Variants in RARG observed in about 807,000 individuals in gnomAD.
RARG encodes the protein RAR-gamma.
Under a neutral mutation model 43.7 loss-of-function variants are expected in RARG, and 17 were observed. The observed-to-expected ratio is 0.39, with a 90% CI of 0.27 to 0.58. RARG has a LOEUF of 0.58. RARG is among the 20% of genes least tolerant of loss of function. The pLI, the probability that RARG is intolerant of heterozygous loss-of-function variation, is 0.57. For synonymous variants in RARG, 238 were observed against 236.4 expected (o/e 1.01, Z -0.06); for missense variants, 346 against 598.7 (o/e 0.58, Z 4.40).
chr12:53,216,057 T>C (rs937948995), intron 3 of RARG, among the ~76,000 whole-genome samples: 1 of 152,174 alleles, frequency 6.6e-6, no homozygotes, highest in Non-Finnish European at 1.5e-5. Flanking sequence ...CCTCATCCTA[T>C]ATGACATGTT....
At position 53,212,016 on chromosome 12, in the gene RARG, A is replaced by AC. The variant is rs762298130; in HGVS notation, c.1178-154dup. 5.3e-5 allele frequency among the ~76,000 whole-genome samples: 8 copies of AC among 152,090 alleles called. No individual in the cohort carries two copies. In the East Asian group the frequency reaches 1.5e-3, roughly 29 times the overall value. On this transcript the variant is annotated intron_variant, in intron 9 of 9. Coordinates refer to ENST00000425354, the MANE Select transcript of RARG (RefSeq NM_000966.6). ...TCCGTCCCCAGCTCATCCTCTTCTC[A>AC]CTAGGCTTCCTGGGTGCCACTCCTC...
chr12:53,214,981 G>T (rs552015867), intron 5 of RARG: 29 of 434,254 alleles, frequency 6.7e-5, no homozygotes, highest in African/African-American at 4.7e-4. Flanking sequence ...TCCATCTCTG[G>T]CTCAGTCCAG....
chr12:53,224,313 C>G (rs1175108961), intron 3 of RARG, among the ~76,000 whole-genome samples: 1 of 151,802 alleles, frequency 6.6e-6, no homozygotes, highest in Non-Finnish European at 1.5e-5. Context: ...CCCCAAGGTG[C>G]CAGGGACCCA....
intron 2 of RARG, among the ~76,000 whole-genome samples, chr12:53,228,683 G>A (rs991825358): frequency 6.6e-6 from 1 of 152,092 alleles, no homozygotes; most frequent in Non-Finnish European, 1.5e-5. Context: ...TTACTTCTCT[G>A]CCTCCTTTTT....
chr12:53,213,417 C>T lies in RARG; in HGVS notation c.1018+79G>A, dbSNP rs1942665823. ...GAAGAGACCACTGGGTCCTCCACGC[C>T]CCCTCCCAGACAGATTCCGCATGGA... On this transcript the variant is annotated intron_variant, in intron 8 of 9. Transcript: ENST00000425354. The surrounding 1 kb of genome is among the most constrained non-coding windows in gnomAD (Gnocchi z 4.7). 3 of 1,540,692 alleles carry T rather than the reference C, an allele frequency of 1.9e-6. No individual in the cohort carries two copies. Among genetic ancestry groups the T allele is most frequent in the African/African-American group, 1.4e-5 (1 of 73,452 alleles).
At chr12:53,216,841 T>TGC (rs61199415) in intron 3 of RARG, among the ~76,000 whole-genome samples, 8,907 of 128,944 alleles carry the variant, frequency 0.069, 407 homozygotes, top group Middle Eastern at 0.12. Flanking sequence ...TGTGTGTGTG[T>TGC]GCGCGCGCGC....
At chr12:53,220,059 C>T (rs1180634717) in intron 3 of RARG, 1 of 1,548,988 alleles carries the variant, frequency 6.5e-7, no homozygotes, top group Non-Finnish European at 8.7e-7. Flanking sequence ...CCCCGTACAG[C>T]CGTCGCGGAC....
At chr12:53,220,090 C>G (rs769745428) in intron 3 of RARG, 1 of 1,550,076 alleles carries the variant, frequency 6.5e-7, no homozygotes, top group African/African-American at 1.4e-5. Context: ...CGTTTCCATA[C>G]AGTCGTACAT....
At chr12:53,228,062 C>A (rs1371153823) in intron 2 of RARG, among the ~76,000 whole-genome samples, 2 of 152,226 alleles carry the variant, frequency 1.3e-5, no homozygotes, top group Admixed American at 1.3e-4. Context: ...TATGAGGAAA[C>A]TGAGGTGAAG....
intron 3 of RARG, among the ~76,000 whole-genome samples, chr12:53,218,353 A>C (rs1942836668): frequency 6.6e-6 from 1 of 152,312 alleles, no homozygotes; most frequent in African/African-American, 2.4e-5. Context: ...AGGGCCAGTC[A>C]AGCCCAAAGG....
intron 2 of RARG, chr12:53,230,033 T>G (rs1943193879): frequency 1.1e-6 from 1 of 925,118 alleles, no homozygotes; most frequent in Admixed American, 6.2e-5. Flanking sequence ...CTCCCATTTC[T>G]GAGCCTTGGT....
At chr12:53,230,467 T>A (rs1046034661) in intron 2 of RARG, among the ~76,000 whole-genome samples, 6 of 151,888 alleles carry the variant, frequency 4.0e-5, no homozygotes, top group African/African-American at 1.5e-4. Flanking sequence ...TGACCCCATC[T>A]CCAGCCTGGG....
Position 53,215,455 on chromosome 12 carries a change from G to A in RARG, c.334-21C>T. 6.2e-7 allele frequency: 1 copy of A among 1,613,788 alleles called. No homozygotes were observed. The highest frequency in any genetic ancestry group is 8.5e-7 in the Non-Finnish European group (1 of 1,179,834). On this transcript the variant is annotated intron_variant, in intron 4 of 9. Transcript: ENST00000425354. The surrounding 1 kb of genome is among the most constrained non-coding windows in gnomAD (Gnocchi z 6.4). ...AAGCCCTGGAGTTGAGGGAAAGAGA[G>A]AGGGCCTCTGAAGCACAATGCTGGG...
chr12:53,214,805 C>G, intron 5 of RARG, 199 bp from the exon 6 acceptor site: 1 of 575,728 alleles, frequency 1.7e-6, no homozygotes, highest in Non-Finnish European at 2.9e-6. Flanking sequence ...CCAGGGCCTG[C>G]AGCCCCTGCT....
intron 3 of RARG, among the ~76,000 whole-genome samples, chr12:53,216,388 A>C (rs376437017): frequency 2.8e-4 from 43 of 152,166 alleles, no homozygotes; most frequent in Admixed American, 2.2e-3. Flanking sequence ...CCTCAGGCTT[A>C]TCTCTCTCAC....
In RARG at chr12:53,215,514, C is replaced by T. The variant is rs1942735733; in HGVS notation, c.334-80G>A. 15 of 1,596,568 alleles carry T rather than the reference C, an allele frequency of 9.4e-6. No homozygotes were observed. Among genetic ancestry groups the T allele is most frequent in the Non-Finnish European group, 1.3e-5 (15 of 1,167,350 alleles). ...CCTCTCACTGGCCTTGCAGGTTGCC[C>T]CAAGCCTGACCTAATCTATTAACCA... On this transcript the variant is annotated intron_variant, in intron 4 of 9. Coordinates refer to ENST00000425354, the MANE Select transcript of RARG (RefSeq NM_000966.6). This position sits in a 1 kb window ranked among gnomAD's most constrained non-coding sequence, Gnocchi z 6.4.
intron 3 of RARG, among the ~76,000 whole-genome samples, chr12:53,221,246 G>A (rs1052630649): frequency 6.9e-6 from 1 of 145,484 alleles, no homozygotes; most frequent in Non-Finnish European, 1.5e-5. Context: ...GCCTCCCTCC[G>A]AGTCCCCGAA....
chr12:53,220,566 G>T (rs923655683), intron 3 of RARG, among the ~76,000 whole-genome samples: 31 of 152,128 alleles, frequency 2.0e-4, no homozygotes, highest in African/African-American at 7.5e-4. Flanking sequence ...TTGCAAATAT[G>T]CAAGAGTGAA....
In RARG at chr12:53,227,017, C is replaced by T. The variant is rs974071068; in HGVS notation, c.184+345G>A. Among the ~76,000 whole-genome samples, 1 of 152,180 alleles carries T rather than the reference C, an allele frequency of 6.6e-6. No individual in the cohort carries two copies. Among genetic ancestry groups the T allele is most frequent in the Non-Finnish European group, 1.5e-5 (1 of 68,034 alleles). Reference sequence around the variant, plus strand: ...CCACTGCAAGCAAGCAGCAGATTCACGCTGCACCAGACCCACCCCCAGCTG... The same window carrying T: ...CCACTGCAAGCAAGCAGCAGATTCATGCTGCACCAGACCCACCCCCAGCTG... On this transcript the variant is annotated intron_variant, in intron 3 of 9. Coordinates refer to ENST00000425354, the MANE Select transcript of RARG (RefSeq NM_000966.6). The surrounding 1 kb of genome is among the most constrained non-coding windows in gnomAD (Gnocchi z 4.3).
Sources: gnomAD v4.1 joint callset for allele counts (sites outside exome capture counted in the v4.1 genomes callset) on GRCh38, gnomAD v4.1.1 for gene constraint, Gnocchi (gnomAD v3.1) non-coding constraint, MANE v1.5 for transcripts, NCBI Gene and HGNC (gene_info 2026-07-23, HGNC 2026-07-21) for gene names.